CDH17: variants seen among roughly 807,000 people sequenced by gnomAD.
The protein encoded by CDH17 is cadherin-17.
In CDH17, 67 loss-of-function variants were observed where a neutral mutation model predicts 86.3. The observed-to-expected ratio is 0.78, with a 90% confidence interval of 0.64 to 0.95. The LOEUF is 0.95. CDH17 is among the 40% of genes least tolerant of loss of function. CDH17 has a pLI of 0.00. For missense variants in CDH17, 993 were observed against 1,017.6 expected, an observed-to-expected ratio of 0.98 and a Z score of 0.33; for synonymous variants, 367 against 366.4, an observed-to-expected ratio of 1.00 and a Z score of -0.02.
chr8:94,205,206 C>A (rs971327725), intron 1 of CDH17, among the ~76,000 whole-genome samples: 3 of 152,184 alleles, frequency 2.0e-5, no homozygotes, highest in Non-Finnish European at 2.9e-5. Context: ...AACAATATCA[C>A]AAGCATCTTC....
chr8:94,216,939 G>C (rs899902244), intron 1 of CDH17, among the ~76,000 whole-genome samples: 1 of 152,178 alleles, frequency 6.6e-6, no homozygotes, highest in African/African-American at 2.4e-5. Flanking sequence ...ACGTGCAGCC[G>C]AGGTTGAGAA....
chr8:94,211,102 G>A (rs1289953754), upstream of CDH17, among the ~76,000 whole-genome samples: 1 of 151,694 alleles, frequency 6.6e-6, no homozygotes, highest in African/African-American at 2.4e-5. Flanking sequence ...CTTCATGGTG[G>A]TGAAAACATT....
At chr8:94,152,144 G>T in intron 12 of CDH17, 32 bp from the exon 13 acceptor site, 1 of 1,609,264 alleles carries the variant, frequency 6.2e-7, no homozygotes, top group East Asian at 2.2e-5. Context: ...AATTAATTTT[G>T]GGGTGATTAG....
intron 15 of CDH17, among the ~76,000 whole-genome samples, chr8:94,145,394 T>A (rs1022231390): frequency 6.6e-6 from 1 of 152,154 alleles, no homozygotes. Context: ...ACTATACTAT[T>A]CTATTTAGAT....
chr8:94,161,813 A>G (rs1813058108), intron 11 of CDH17, among the ~76,000 whole-genome samples: 1 of 152,214 alleles, frequency 6.6e-6, no homozygotes, highest in Non-Finnish European at 1.5e-5. Flanking sequence ...TCAATTTGAC[A>G]AAGATTGTGG....
At chr8:94,180,943 CAA>C (rs59930370) in intron 3 of CDH17, among the ~76,000 whole-genome samples, 11 of 69,776 alleles carry the variant, frequency 1.6e-4, no homozygotes, top group East Asian at 4.3e-4. Flanking sequence ...ACAAACAAAC[CAA>C]AAAAAAAAAA....
At position 94,127,276 on chromosome 8, in the gene CDH17, C is replaced by T. The variant is rs1246911827; in HGVS notation, c.*964G>A. 2 of 152,190 alleles carry T rather than the reference C, an allele frequency of 1.3e-5. No homozygotes were observed. Among genetic ancestry groups the T allele is most frequent in the Non-Finnish European group, 2.9e-5 (2 of 68,026 alleles). The allele number at this position is 152,190 out of a possible 1,614,324, so 9.4% of individuals were successfully genotyped here. A position where few individuals can be genotyped will look rare whatever the true frequency, so the allele number is the denominator to read the frequency against. The stretch of plus-strand genomic sequence containing the variant: ...TAATAACCAAAACTTTACTAACATA[C>T]GAATGAAGAAAACATGCGCAGCATG... On this transcript the variant is annotated 3_prime_UTR_variant, in exon 18 of 18. Transcript: ENST00000027335.
chr8:94,139,153 T>G (rs1812588270), intron 15 of CDH17, among the ~76,000 whole-genome samples: 1 of 152,154 alleles, frequency 6.6e-6, no homozygotes, highest in South Asian at 2.1e-4. Context: ...ACAGAACATT[T>G]TAAAAACCCA....
At chr8:94,159,888 C>T (rs1813017102) in intron 12 of CDH17, 83 bp downstream of exon 12, 1 of 1,041,042 alleles carries the variant, frequency 9.6e-7, no homozygotes, top group African/African-American at 1.6e-5. Flanking sequence ...AATACATCAC[C>T]TCTGCTTATA....
chr8:94,139,770 G>A (rs1812601102), intron 15 of CDH17, among the ~76,000 whole-genome samples: 1 of 152,092 alleles, frequency 6.6e-6, no homozygotes, highest in Admixed American at 6.5e-5. Flanking sequence ...GGGCATCATG[G>A]TGTGCACCTG....
chr8:94,158,320 C>T (rs1044409583), intron 12 of CDH17, among the ~76,000 whole-genome samples: 8 of 152,076 alleles, frequency 5.3e-5, no homozygotes, highest in South Asian at 2.1e-4. Flanking sequence ...GCATACCTCT[C>T]GTGTCAAGTT....
intron 13 of CDH17, among the ~76,000 whole-genome samples, chr8:94,149,895 A>G (rs143932138): frequency 3.2e-4 from 49 of 152,334 alleles, no homozygotes; most frequent in African/African-American, 1.1e-3. Flanking sequence ...CATCATAGTC[A>G]TGAGGATGTC....
chr8:94,155,829 C>T (rs1398417493), intron 12 of CDH17, among the ~76,000 whole-genome samples: 1 of 152,180 alleles, frequency 6.6e-6, no homozygotes, highest in African/African-American at 2.4e-5. Context: ...GTTCCCTAAA[C>T]ACTGGATGGA....
chr8:94,216,563 GTT>G (rs368207788), intron 1 of CDH17, among the ~76,000 whole-genome samples: 3 of 142,028 alleles, frequency 2.1e-5, no homozygotes, highest in Non-Finnish European at 3.0e-5. Context: ...CAGAGGGTTT[GTT>G]TTTTTTTTTT....
upstream of CDH17, among the ~76,000 whole-genome samples, chr8:94,210,037 A>G (rs975514617): frequency 4.6e-5 from 7 of 151,812 alleles, no homozygotes; most frequent in African/African-American, 1.5e-4. Context: ...TTTCTCATTT[A>G]GCATGTCTGC....
upstream of CDH17, among the ~76,000 whole-genome samples, chr8:94,212,880 G>A (rs1187594393): frequency 6.6e-6 from 1 of 152,218 alleles, no homozygotes. Context: ...TGAATGGGAT[G>A]GCTAGTAAGT....
chr8:94,148,655 A>G (rs1812794228), intron 14 of CDH17, 89 bp downstream of exon 14: 1 of 1,087,628 alleles, frequency 9.2e-7, no homozygotes, highest in Non-Finnish European at 1.2e-6. Context: ...TGGCCCTGTC[A>G]GTTTTCTTAT....
At chr8:94,199,652 C>A (rs2130679301) in intron 1 of CDH17, among the ~76,000 whole-genome samples, 1 of 152,200 alleles carries the variant, frequency 6.6e-6, no homozygotes, top group South Asian at 2.1e-4. Context: ...TACATTTAGG[C>A]CTGCCCCTCA....
chr8:94,135,794 G>A (rs191538929), intron 15 of CDH17, among the ~76,000 whole-genome samples: 5,440 of 152,140 alleles, frequency 0.036, 153 homozygotes, highest in Non-Finnish European at 0.057. Flanking sequence ...GCTGGTACTG[G>A]TTGTTCCTTT....
Sources: gnomAD v4.1 joint callset for allele counts (sites outside exome capture counted in the v4.1 genomes callset) on GRCh38, gnomAD v4.1.1 for gene constraint, MANE v1.5 for transcripts, NCBI Gene and HGNC (gene_info 2026-07-23, HGNC 2026-07-21) for gene names.